Variants in STK3 observed in about 807,000 individuals in gnomAD.
STK3 encodes the protein serine/threonine kinase 3.
In STK3, 41 loss-of-function variants were observed where a neutral mutation model predicts 58.0. The observed-to-expected ratio is 0.71, with a 90% CI of 0.55 to 0.92. STK3 has a LOEUF of 0.92. STK3 is among the 40% of genes least tolerant of loss of function. STK3 has a pLI of 0.00. For synonymous variants in STK3, 170 were observed against 191.0 expected, an observed-to-expected ratio of 0.89 and a Z score of 0.91; for missense variants, 479 against 602.7, an observed-to-expected ratio of 0.79 and a Z score of 2.15.
At chr8:98,419,222 G>T (rs553728564) in intron 3 of STK3, among the ~76,000 whole-genome samples, 3 of 152,288 alleles carry the variant, frequency 2.0e-5, no homozygotes, top group Admixed American at 1.3e-4. Context: ...TTAGCTGGGC[G>T]TGGTGGTGGG....
intron 1 of STK3, among the ~76,000 whole-genome samples, chr8:98,938,635 CT>C (rs1457897459): frequency 6.6e-6 from 1 of 152,166 alleles, no homozygotes; most frequent in Non-Finnish European, 1.5e-5. Flanking sequence ...TCAGACCCTC[CT>C]GCCCAGCCTC....
At chr8:98,557,149 A>G (rs967327856) in intron 8 of STK3, among the ~76,000 whole-genome samples, 2 of 152,116 alleles carry the variant, frequency 1.3e-5, no homozygotes, top group African/African-American at 4.8e-5. Context: ...AACTAGGGTA[A>G]GAATCTTTCA....
intron 6 of STK3, among the ~76,000 whole-genome samples, chr8:98,631,028 T>G (rs900821319): frequency 6.6e-6 from 1 of 152,108 alleles, no homozygotes; most frequent in Non-Finnish European, 1.5e-5. Flanking sequence ...TGACTCTCAT[T>G]TACATTCCAC....
At chr8:98,847,680 C>T (rs1157506812) in intron 3 of STK3, among the ~76,000 whole-genome samples, 4 of 152,108 alleles carry the variant, frequency 2.6e-5, no homozygotes, top group African/African-American at 7.2e-5. Flanking sequence ...GCTTCTACCA[C>T]AGCCAGGATC....
chr8:98,853,469 C>A (rs1836553165), intron 3 of STK3, among the ~76,000 whole-genome samples: 1 of 152,190 alleles, frequency 6.6e-6, no homozygotes, highest in Admixed American at 6.5e-5. Flanking sequence ...TTTTCCTTCC[C>A]CTGCTTTGCA....
At chr8:98,440,751 C>T (rs1304440537) in intron 1 of STK3, among the ~76,000 whole-genome samples, 1 of 152,228 alleles carries the variant, frequency 6.6e-6, no homozygotes, top group Non-Finnish European at 1.5e-5. Context: ...AGCTAACATT[C>T]ACTAGGCACA....
intron 3 of STK3, among the ~76,000 whole-genome samples, chr8:98,869,528 C>G (rs1837289130): frequency 6.6e-6 from 1 of 151,974 alleles, no homozygotes; most frequent in South Asian, 2.1e-4. Flanking sequence ...TAGAGAATGG[C>G]AGAAGGAGAT....
chr8:98,799,657 C>T (rs766478903), intron 1 of STK3, among the ~76,000 whole-genome samples: 2 of 152,102 alleles, frequency 1.3e-5, no homozygotes, highest in African/African-American at 2.4e-5. Flanking sequence ...GGAAATCAGA[C>T]CCTATCAGTA....
chr8:98,712,427 G>T (rs1001037889), intron 4 of STK3, among the ~76,000 whole-genome samples: 1 of 151,942 alleles, frequency 6.6e-6, no homozygotes, highest in Non-Finnish European at 1.5e-5. Context: ...CAAAATAAAA[G>T]GATGGAGGAA....
At chr8:98,429,690 C>T in intron 3 of STK3, 1 of 417,012 alleles carries the variant, frequency 2.4e-6, no homozygotes, top group Non-Finnish European at 4.4e-6. Flanking sequence ...GATGAGTACA[C>T]CCAGAATGCT....
At chr8:98,576,749 T>A (rs1366658531) in intron 8 of STK3, among the ~76,000 whole-genome samples, 1 of 152,210 alleles carries the variant, frequency 6.6e-6, no homozygotes, top group Non-Finnish European at 1.5e-5. Flanking sequence ...CCTGAAACTT[T>A]GCCAAATTTA....
At chr8:98,875,994 C>T (rs554948745) in intron 3 of STK3, among the ~76,000 whole-genome samples, 1 of 152,090 alleles carries the variant, frequency 6.6e-6, no homozygotes, top group South Asian at 2.1e-4. Context: ...GGCAAAGGAC[C>T]CTATTCTCTC....
intron 10 of STK3, among the ~76,000 whole-genome samples, chr8:98,504,037 C>T (rs1006049267): frequency 1.3e-5 from 2 of 152,108 alleles, no homozygotes; most frequent in African/African-American, 4.8e-5. Flanking sequence ...CTTTGTAGGT[C>T]TCTAAGGACT....
At chr8:98,581,245 C>G (rs1375897311) in intron 7 of STK3, among the ~76,000 whole-genome samples, 1 of 152,154 alleles carries the variant, frequency 6.6e-6, no homozygotes, top group Admixed American at 6.5e-5. Flanking sequence ...GAGTCCTGTA[C>G]TGGTACTGTG....
intron 6 of STK3, among the ~76,000 whole-genome samples, chr8:98,644,225 T>C (rs1304142496): frequency 6.6e-6 from 1 of 152,202 alleles, no homozygotes; most frequent in Non-Finnish European, 1.5e-5. Context: ...AATCTTCTTT[T>C]CATTGCTCTT....
Position 98,455,707 on chromosome 8 carries a change from C to A in STK3, c.*135G>T, listed in dbSNP as rs1360914769. The A allele has an allele frequency of 2.0e-6, 2 of 1,014,866 alleles. No individual in the cohort carries two copies. The highest frequency in any genetic ancestry group is 2.9e-6 in the Non-Finnish European group (2 of 697,824). The allele number at this position is 1,014,866 out of a possible 1,614,324, so 62.9% of individuals were successfully genotyped here. A position where few individuals can be genotyped will look rare whatever the true frequency, so the allele number is the denominator to read the frequency against. ...TCTGCCTTTTGGGAATTTACCTGGG[C>A]ATGTACCATTGTCACTTTTTGACCT... On this transcript the variant is annotated 3_prime_UTR_variant, in exon 11 of 11. Transcript: ENST00000419617.
At chr8:98,888,196 G>A (rs1448023121) in intron 1 of STK3, among the ~76,000 whole-genome samples, 2 of 152,144 alleles carry the variant, frequency 1.3e-5, no homozygotes, top group Non-Finnish European at 2.9e-5. Context: ...GTGCGTGTCT[G>A]TAGTCCCAGC....
intron 3 of STK3, among the ~76,000 whole-genome samples, chr8:98,416,860 G>A (rs1382579167): frequency 2.6e-5 from 4 of 152,132 alleles, no homozygotes; most frequent in Non-Finnish European, 4.4e-5. Flanking sequence ...CCCTCAGCTG[G>A]GTTTCTCTGA....
chr8:98,819,693 G>GTT (rs1053961854), intron 1 of STK3, among the ~76,000 whole-genome samples: 1 of 152,032 alleles, frequency 6.6e-6, no homozygotes, highest in Non-Finnish European at 1.5e-5. Context: ...GTCTGCTGGG[G>GTT]TTTTTTTAAG....
Sources: gnomAD v4.1 joint callset for allele counts (sites outside exome capture counted in the v4.1 genomes callset) on GRCh38, gnomAD v4.1.1 for gene constraint, MANE v1.5 for transcripts, NCBI Gene and HGNC (gene_info 2026-07-23, HGNC 2026-07-21) for gene names.